The following PCDHA11 variants were observed in gnomAD, a reference collection of about 807,000 sequenced individuals.
PCDHA11 encodes the protein protocadherin alpha-11.
Under a neutral mutation model 70.3 loss-of-function variants are expected in PCDHA11, and 61 were observed. The observed-to-expected ratio is 0.87, with a 90% CI of 0.71 to 1.07. The LOEUF (loss-of-function observed/expected upper bound fraction) is 1.07. PCDHA11 is among the 50% of genes least tolerant of loss of function. PCDHA11 has a pLI of 0.00. For synonymous variants in PCDHA11, 633 were observed against 555.1 expected (o/e 1.14, Z -1.97); for missense variants, 1,324 against 1,237.5 (o/e 1.07, Z -1.05).
chr5:140,916,621 C>T (rs1031371866), intron 1 of PCDHA11, among the ~76,000 whole-genome samples: 8 of 152,200 alleles, frequency 5.3e-5, no homozygotes, highest in Non-Finnish European at 1.2e-4. Flanking sequence ...TGACTCTACT[C>T]AATGCCCTAT....
At chr5:140,914,606 C>A (rs1212372337) in intron 1 of PCDHA11, among the ~76,000 whole-genome samples, 2 of 152,072 alleles carry the variant, frequency 1.3e-5, no homozygotes, top group Admixed American at 6.5e-5. Context: ...CTTCCTCCTG[C>A]CATTTTGTAA....
intron 3 of PCDHA11, among the ~76,000 whole-genome samples, chr5:141,000,919 A>AT (rs2097975024): frequency 6.6e-6 from 1 of 152,134 alleles, no homozygotes; most frequent in Non-Finnish European, 1.5e-5. Flanking sequence ...AAAAAAAAAA[A>AT]TCCTGTGTGA....
chr5:140,915,234 A>G (rs1373292519), intron 1 of PCDHA11, among the ~76,000 whole-genome samples: 1 of 152,144 alleles, frequency 6.6e-6, no homozygotes, highest in Non-Finnish European at 1.5e-5. Flanking sequence ...GGCATGAGCC[A>G]CCATGCCTGG....
chr5:140,877,089 C>T (rs782771217), intron 1 of PCDHA11: 4 of 1,613,082 alleles, frequency 2.5e-6, no homozygotes, highest in African/African-American at 1.3e-5. Flanking sequence ...GCGCGCGCGA[C>T]GCCGGCGTGC....
chr5:140,928,821 C>A (rs2085565750), intron 1 of PCDHA11: 3 of 1,614,142 alleles, frequency 1.9e-6, no homozygotes, highest in Non-Finnish European at 2.5e-6. Context: ...ACCATGGAGA[C>A]CCACCACTTT....
chr5:140,870,514 T>C lies in PCDHA11; in HGVS notation c.1411T>C (p.Cys471Arg), dbSNP rs1554164347. ...CGTGAAGGAGAACAACCCACCAGGC[T>C]GCCACATCTTCACAGTGTCGGCGCG... ...VFVKENNPPG[C>R]HIFTVSARDA... The change falls in exon 1 of 4, where the codon TGC becomes CGC. Residue 471 changes from cysteine (C) to arginine (R), a missense_variant. Transcript: ENST00000398640. The C allele has an allele frequency of 3.7e-6, 6 of 1,614,224 alleles. No homozygotes were observed. In the East Asian group the frequency reaches 1.3e-4, roughly 36 times the overall value.
intron 1 of PCDHA11, chr5:140,927,458 AAG>A: frequency 6.2e-7 from 1 of 1,614,124 alleles, no homozygotes; most frequent in Non-Finnish European, 8.5e-7. Context: ...GTGTTGGAGA[AAG>A]CACTGGATCG....
intron 1 of PCDHA11, chr5:140,930,529 C>T (rs1175564392): frequency 6.6e-6 from 1 of 152,500 alleles, no homozygotes; most frequent in African/African-American, 2.4e-5. Flanking sequence ...GGCCCTCAAA[C>T]TTCTTGAGTG....
intron 3 of PCDHA11, among the ~76,000 whole-genome samples, chr5:141,007,754 T>C (rs991882656): frequency 6.6e-6 from 1 of 152,172 alleles, no homozygotes; most frequent in African/African-American, 2.4e-5. Flanking sequence ...AACTTTGGAC[T>C]CTTATTGGCC....
chr5:140,970,873 A>G (rs138100298), intron 1 of PCDHA11, among the ~76,000 whole-genome samples: 80 of 152,316 alleles, frequency 5.3e-4, no homozygotes, highest in African/African-American at 1.8e-3. Context: ...GATTGAGAGT[A>G]GATTTTTCTC....
At chr5:140,887,461 T>C (rs2061460929) in intron 1 of PCDHA11, among the ~76,000 whole-genome samples, 1 of 152,226 alleles carries the variant, frequency 6.6e-6, no homozygotes, top group African/African-American at 2.4e-5. Flanking sequence ...TTTTAAAAGA[T>C]ATAATTCAGT....
intron 1 of PCDHA11, among the ~76,000 whole-genome samples, chr5:140,897,779 G>T (rs1157810079): frequency 6.6e-6 from 1 of 152,138 alleles, no homozygotes; most frequent in Non-Finnish European, 1.5e-5. Flanking sequence ...CTTCCACAAT[G>T]GTTGAACTAG....
intron 1 of PCDHA11, chr5:140,876,942 G>C (rs370156477): frequency 6.2e-7 from 1 of 1,613,660 alleles, no homozygotes; most frequent in South Asian, 1.1e-5. Flanking sequence ...ACGCGCTGGT[G>C]TCCTACTCGC....
intron 1 of PCDHA11, among the ~76,000 whole-genome samples, chr5:140,978,124 G>A (rs1554239035): frequency 6.6e-6 from 1 of 152,140 alleles, no homozygotes; most frequent in East Asian, 1.9e-4. Context: ...GTCTTTAGGT[G>A]CCCATATTTT....
At chr5:140,991,071 T>A (rs2097430480) in intron 3 of PCDHA11, among the ~76,000 whole-genome samples, 1 of 152,152 alleles carries the variant, frequency 6.6e-6, no homozygotes, top group African/African-American at 2.4e-5. Flanking sequence ...ATTCCCATGT[T>A]TCAGATAAAA....
chr5:140,906,021 A>G (rs1422492231), intron 1 of PCDHA11, among the ~76,000 whole-genome samples: 1 of 152,182 alleles, frequency 6.6e-6, no homozygotes, highest in African/African-American at 2.4e-5. Context: ...TAATCTCTCC[A>G]CGTTCTTCTG....
At chr5:140,993,509 CGGGGAGAGAGAG>C (rs1563592888) in intron 3 of PCDHA11, among the ~76,000 whole-genome samples, 1 of 143,490 alleles carries the variant, frequency 7.0e-6, no homozygotes, top group Admixed American at 7.0e-5. Context: ...CACACACACA[CGGGGAGAGAGAG>C]ACAGAGAGAG....
intron 1 of PCDHA11, among the ~76,000 whole-genome samples, chr5:140,915,886 T>G (rs1259377999): frequency 2.6e-5 from 4 of 152,186 alleles, no homozygotes; most frequent in Admixed American, 6.5e-5. Flanking sequence ...GGGTAGCAAG[T>G]TCCCCCTGGC....
chr5:140,908,604 C>T (rs1011069667), intron 1 of PCDHA11, among the ~76,000 whole-genome samples: 10 of 152,114 alleles, frequency 6.6e-5, no homozygotes, highest in African/African-American at 2.2e-4. Flanking sequence ...GATGGAAGGG[C>T]CTTGCTCCAA....
Sources: allele counts gnomAD v4.1 joint callset (sites outside exome capture counted in the v4.1 genomes callset), GRCh38; gene constraint gnomAD v4.1.1; transcripts MANE v1.5; gene names NCBI Gene and HGNC (gene_info 2026-07-23, HGNC 2026-07-21).